SND1: variants seen among roughly 807,000 people sequenced by gnomAD.
SND1 encodes staphylococcal nuclease domain-containing protein 1.
Under a neutral mutation model 121.7 loss-of-function variants are expected in SND1, and 38 were observed. The ratio of observed to expected loss-of-function variants is 0.31; its 90% CI spans 0.24 to 0.41. The LOEUF (loss-of-function observed/expected upper bound fraction) is 0.41, where lower values mean the gene tolerates loss of function less well. Ranked by LOEUF, SND1 falls within the 10% of genes least tolerant of loss-of-function variation. The pLI is 1.00. For missense variants in SND1, 868 were observed against 1,184.6 expected (o/e 0.73, Z 3.92); for synonymous variants, 401 against 447.4 (o/e 0.90, Z 1.31).
chr7:127,956,642 A>G (rs1413450879), intron 15 of SND1, among the ~76,000 whole-genome samples: 2 of 152,130 alleles, frequency 1.3e-5, no homozygotes, highest in East Asian at 3.8e-4. Flanking sequence ...TTATTGGCCT[A>G]CTGCTGAGTT....
rs774494409 is a variant in SND1 at position 128,029,726 on chromosome 7, A to G, written c.1779+38670A>G. On this transcript the variant is annotated intron_variant, in intron 16 of 23. Coordinates refer to ENST00000354725, the MANE Select transcript of SND1 (RefSeq NM_014390.4). The surrounding 1 kb of genome is among the most constrained non-coding windows in gnomAD (Gnocchi z 4.2). ...ACCAGGCTAGCCACAGAATGTCACA[A>G]TCACAGTTCCAAGGGTTGTGGTGTA... is the stretch of plus-strand genomic sequence containing the variant. 2 of 1,614,148 alleles carry G rather than the reference A, an allele frequency of 1.2e-6. No homozygotes were observed. Among genetic ancestry groups the G allele is most frequent in the Non-Finnish European group, 1.7e-6 (2 of 1,180,032 alleles).
intron 10 of SND1, among the ~76,000 whole-genome samples, chr7:127,805,741 C>G (rs772535852): frequency 6.6e-5 from 10 of 152,098 alleles, no homozygotes; most frequent in Non-Finnish European, 2.9e-5. Context: ...AATGTAATAT[C>G]TGCTTTGAGT....
intron 11 of SND1, among the ~76,000 whole-genome samples, chr7:127,834,534 T>C (rs1383548073): frequency 1.3e-5 from 2 of 152,186 alleles, no homozygotes; most frequent in Admixed American, 6.5e-5. Flanking sequence ...TAGTTGTCAT[T>C]GTTCTATGCA....
intron 21 of SND1, among the ~76,000 whole-genome samples, chr7:128,087,782 G>A (rs892715461): frequency 9.2e-5 from 14 of 152,170 alleles, no homozygotes; most frequent in African/African-American, 3.4e-4. Context: ...GTGTTAGGAA[G>A]TGCTGGGGTC....
At chr7:128,054,170 T>C (rs746452447) in intron 16 of SND1, among the ~76,000 whole-genome samples, 3 of 152,212 alleles carry the variant, frequency 2.0e-5, no homozygotes, top group East Asian at 1.9e-4. Context: ...GGCTTACTTA[T>C]GCAGACCTCT....
intron 10 of SND1, among the ~76,000 whole-genome samples, chr7:127,733,691 T>G (rs137929656): frequency 0.015 from 2,249 of 152,308 alleles, 20 homozygotes; most frequent in Non-Finnish European, 0.025. Flanking sequence ...TGCACAGGAC[T>G]GCTCTGAGGA....
intron 12 of SND1, among the ~76,000 whole-genome samples, chr7:127,887,495 A>G (rs1247516068): frequency 2.0e-5 from 3 of 152,258 alleles, no homozygotes; most frequent in South Asian, 2.1e-4. Flanking sequence ...TCGGCTAGAA[A>G]GATTTTGAGA....
intron 15 of SND1, among the ~76,000 whole-genome samples, chr7:127,961,310 T>C (rs1169136673): frequency 6.6e-6 from 1 of 152,230 alleles, no homozygotes; most frequent in African/African-American, 2.4e-5. Context: ...ATTTTTTTCA[T>C]ACAGTAACTA....
intron 16 of SND1, among the ~76,000 whole-genome samples, chr7:128,053,341 C>A (rs1257188496): frequency 6.6e-6 from 1 of 152,210 alleles, no homozygotes; most frequent in African/African-American, 2.4e-5. Context: ...CCAGCACTTC[C>A]ATTTCCCAAG....
chr7:127,859,537 A>G (rs1799341114), intron 12 of SND1, among the ~76,000 whole-genome samples: 1 of 152,190 alleles, frequency 6.6e-6, no homozygotes, highest in Non-Finnish European at 1.5e-5. Flanking sequence ...GTGATATGAC[A>G]CATTTATGAT....
At chr7:127,683,744 A>G (rs577380395) in intron 1 of SND1, among the ~76,000 whole-genome samples, 3 of 152,324 alleles carry the variant, frequency 2.0e-5, no homozygotes, top group African/African-American at 7.2e-5. Context: ...GCCACAGTGA[A>G]TCTATTTCTT....
chr7:127,753,785 A>G (rs1391902628), intron 10 of SND1, among the ~76,000 whole-genome samples: 4 of 152,060 alleles, frequency 2.6e-5, no homozygotes, highest in Non-Finnish European at 5.9e-5. Flanking sequence ...TATTTTTAGC[A>G]CTGAAATTTG....
intron 12 of SND1, among the ~76,000 whole-genome samples, chr7:127,863,827 T>C (rs1330205477): frequency 2.0e-5 from 3 of 152,230 alleles, no homozygotes; most frequent in African/African-American, 7.2e-5. Flanking sequence ...AAAGCAGCCA[T>C]AGATGATGTG....
intron 16 of SND1, among the ~76,000 whole-genome samples, chr7:128,002,129 G>A (rs977190888): frequency 6.6e-6 from 1 of 152,136 alleles, no homozygotes; most frequent in Non-Finnish European, 1.5e-5. Context: ...GCCAGTGATG[G>A]CACATATGCA....
intron 12 of SND1, among the ~76,000 whole-genome samples, chr7:127,877,416 G>A (rs760501661): frequency 5.3e-5 from 8 of 151,860 alleles, no homozygotes; most frequent in Admixed American, 6.6e-5. Flanking sequence ...TCCTCTGCCC[G>A]TTTGTTGTTC....
At chr7:127,662,382 T>G (rs1353253269) in intron 1 of SND1, among the ~76,000 whole-genome samples, 1 of 152,234 alleles carries the variant, frequency 6.6e-6, no homozygotes, top group Non-Finnish European at 1.5e-5. Flanking sequence ...TTCCACAGTT[T>G]GGATGTATAT....
intron 16 of SND1, among the ~76,000 whole-genome samples, chr7:128,065,148 A>G (rs193042734): frequency 3.3e-5 from 5 of 152,380 alleles, no homozygotes; most frequent in Admixed American, 3.3e-4. Context: ...CGGGAAGGTG[A>G]TGACAGAAAG....
At position 127,788,498 on chromosome 7, in the gene SND1, A is replaced by G. The variant is rs138916990; in HGVS notation, c.1153-18986A>G. 7.9e-3 allele frequency among the ~76,000 whole-genome samples: 1,207 copies of G among 152,340 alleles called. 12 individuals carry two copies. Among genetic ancestry groups the G allele is most frequent in the Non-Finnish European group, 0.013 (871 of 68,038 alleles). Reference sequence around the variant, plus strand: ...TAAAGTCGATTTTCACTTTTTAAACAAAATAAAATCCATGTTCTCTCTTGA... The same window carrying G: ...TAAAGTCGATTTTCACTTTTTAAACGAAATAAAATCCATGTTCTCTCTTGA... On this transcript the variant is annotated intron_variant, in intron 10 of 23. Coordinates refer to ENST00000354725, the MANE Select transcript of SND1 (RefSeq NM_014390.4).
chr7:127,838,978 G>A (rs191112123), intron 11 of SND1, among the ~76,000 whole-genome samples: 2 of 152,320 alleles, frequency 1.3e-5, no homozygotes, highest in Admixed American at 6.5e-5. Flanking sequence ...ACAGCAGTGA[G>A]ATACGCACAG....
Sources: gnomAD v4.1 joint callset for allele counts (sites outside exome capture counted in the v4.1 genomes callset) on GRCh38, gnomAD v4.1.1 for gene constraint, Gnocchi (gnomAD v3.1) non-coding constraint, MANE v1.5 for transcripts, NCBI Gene and HGNC (gene_info 2026-07-23, HGNC 2026-07-21) for gene names.